The following ZNF516 variants were observed in gnomAD, a reference collection of about 807,000 sequenced individuals.
The protein encoded by ZNF516 is zinc finger protein 516.
A neutral mutation model predicts 79.7 loss-of-function variants in ZNF516; 19 were observed. The ratio of observed to expected loss-of-function variants is 0.24; its 90% CI spans 0.17 to 0.35. The LOEUF is 0.35. ZNF516 is among the 10% of genes least tolerant of loss of function. The pLI, the probability that ZNF516 is intolerant of heterozygous loss-of-function variation, is 1.00. For synonymous variants in ZNF516, 877 were observed against 739.5 expected, an observed-to-expected ratio of 1.19 and a Z score of -3.02; for missense variants, 1,678 against 1,679.5, an observed-to-expected ratio of 1.00 and a Z score of 0.02.
In ZNF516 at chr18:76,490,930, G is replaced by C. The variant is rs551020326; in HGVS notation, c.-272+4214C>G. ...CAGAGCCATCCCCGGCCTCTTTACC[G>C]CGGAGACACTGTGAGGTCACACACG... On this transcript the variant is annotated intron_variant, in intron 1 of 6. Transcript: ENST00000443185. 7.9e-5 allele frequency: 78 copies of C among 985,312 alleles called. No homozygotes were observed. The African/African-American group carries it at 1.3e-3, about 16-fold the overall frequency. 61.0% of individuals were successfully genotyped at this position (985,312 alleles called of 1,614,324 possible).
chr18:76,404,872 T>A (rs774197156), intron 3 of ZNF516, among the ~76,000 whole-genome samples: 4 of 152,210 alleles, frequency 2.6e-5, no homozygotes, highest in Non-Finnish European at 5.9e-5. Flanking sequence ...TCTGTCCATG[T>A]ATGGTGAGCA....
At chr18:76,368,109 A>G (rs953275681) in intron 6 of ZNF516, among the ~76,000 whole-genome samples, 2 of 152,244 alleles carry the variant, frequency 1.3e-5, no homozygotes, top group East Asian at 1.9e-4. Flanking sequence ...CTAGACATAC[A>G]TAACTACAGA....
At chr18:76,385,115 G>T (rs973218217) in intron 3 of ZNF516, among the ~76,000 whole-genome samples, 1 of 152,208 alleles carries the variant, frequency 6.6e-6, no homozygotes, top group Non-Finnish European at 1.5e-5. Context: ...CCAACCCCAC[G>T]AGTGTGCACA....
chr18:76,455,524 T>C (rs1025050614), intron 2 of ZNF516, among the ~76,000 whole-genome samples: 2 of 152,212 alleles, frequency 1.3e-5, no homozygotes, highest in African/African-American at 4.8e-5. Flanking sequence ...TAGGCCTCCC[T>C]GCTCCCATTC....
At chr18:76,400,235 T>C (rs77032584) in intron 3 of ZNF516, among the ~76,000 whole-genome samples, 208 of 152,290 alleles carry the variant, frequency 1.4e-3, no homozygotes, top group African/African-American at 4.4e-3. Context: ...GGTCTGAGCC[T>C]AGGCCAGAGA....
In ZNF516 at chr18:76,397,704, C is replaced by A. The variant is rs372716522; in HGVS notation, c.1811-17401G>T. ...CCTCAACCTCCCAGGTTCAAGCCCTCCTCCCACCTCAACCTCCTGAGTAGC... is the reference window on the plus strand; with the variant it reads ...CCTCAACCTCCCAGGTTCAAGCCCTACTCCCACCTCAACCTCCTGAGTAGC... On this transcript the variant is annotated intron_variant, in intron 3 of 6. Transcript: ENST00000443185. Among the ~76,000 whole-genome samples, 19 of 152,292 alleles carry A rather than the reference C, an allele frequency of 1.2e-4. No individual in the cohort carries two copies. The East Asian group carries it at 3.5e-3, about 28-fold the overall frequency.
At chr18:76,480,529 A>ATATATATATATT (rs374464151) in intron 1 of ZNF516, among the ~76,000 whole-genome samples, 20 of 142,088 alleles carry the variant, frequency 1.4e-4, no homozygotes, top group Non-Finnish European at 1.8e-4. Context: ...ACACACATAT[A>ATATATATATATT]TTTTTTTTTT....
intron 3 of ZNF516, among the ~76,000 whole-genome samples, chr18:76,428,529 T>G (rs1053855798): frequency 2.0e-5 from 3 of 151,852 alleles, no homozygotes; most frequent in Non-Finnish European, 4.4e-5. Context: ...AACAGGCAAA[T>G]AGAACAAGAT....
intron 3 of ZNF516, among the ~76,000 whole-genome samples, chr18:76,389,900 C>T (rs1052699304): frequency 2.0e-5 from 3 of 152,170 alleles, no homozygotes; most frequent in African/African-American, 2.4e-5. Context: ...TAGTCCTGCT[C>T]GGTCACATGA....
chr18:76,424,434 G>A (rs534201073), intron 3 of ZNF516, among the ~76,000 whole-genome samples: 3 of 143,474 alleles, frequency 2.1e-5, no homozygotes, highest in Non-Finnish European at 4.5e-5. Flanking sequence ...ACATACACAC[G>A]CAGGTGAAAA....
At chr18:76,390,857 A>G (rs7234024) in intron 3 of ZNF516, among the ~76,000 whole-genome samples, 50,971 of 152,058 alleles carry the variant, frequency 0.34, 8,925 homozygotes, top group East Asian at 0.5. Context: ...CCCCTCGGAA[A>G]AGGTCTAGGG....
chr18:76,426,789 TGAA>T (rs2075599080), intron 3 of ZNF516, among the ~76,000 whole-genome samples: 2 of 152,086 alleles, frequency 1.3e-5, no homozygotes, highest in South Asian at 2.1e-4. Flanking sequence ...GCACAGGAAA[TGAA>T]GAAAAAGCTA....
chr18:76,433,864 T>A (rs1004176022), intron 3 of ZNF516, among the ~76,000 whole-genome samples: 2 of 152,010 alleles, frequency 1.3e-5, no homozygotes, highest in African/African-American at 4.8e-5. Context: ...CCCAAAAAGC[T>A]CAGCAGCAAG....
chr18:76,390,008 A>G (rs928412615), intron 3 of ZNF516, among the ~76,000 whole-genome samples: 13 of 152,214 alleles, frequency 8.5e-5, no homozygotes, highest in Non-Finnish European at 7.3e-5. Flanking sequence ...ATAATTCCAG[A>G]GCTTCTCACT....
At chr18:76,433,956 C>G (rs2075696747) in intron 3 of ZNF516, among the ~76,000 whole-genome samples, 1 of 152,172 alleles carries the variant, frequency 6.6e-6, no homozygotes, top group Non-Finnish European at 1.5e-5. Context: ...GGCCGGGAAA[C>G]CCCACCGCGA....
At chr18:76,456,706 G>T (rs141221947) in intron 2 of ZNF516, among the ~76,000 whole-genome samples, 1 of 121,010 alleles carries the variant, frequency 8.3e-6, no homozygotes, top group African/African-American at 3.2e-5. Flanking sequence ...TCTGGGTAAC[G>T]TAACTCAGAA....
chr18:76,372,483 T>C (rs1440864881), intron 4 of ZNF516, among the ~76,000 whole-genome samples: 1 of 152,198 alleles, frequency 6.6e-6, no homozygotes, highest in African/African-American at 2.4e-5. Context: ...GTTGCAGTAA[T>C]TTTTTAAAAC....
At chr18:76,495,095 C>T (rs1370285514) in intron 1 of ZNF516, 49 bp downstream of exon 1, 1 of 150,004 alleles carries the variant, frequency 6.7e-6, no homozygotes, top group Non-Finnish European at 1.5e-5. Flanking sequence ...CGCCCACCGC[C>T]CGCCCGCGGC....
intron 1 of ZNF516, among the ~76,000 whole-genome samples, chr18:76,479,112 G>C (rs1371314746): frequency 6.6e-6 from 1 of 151,934 alleles, no homozygotes; most frequent in Non-Finnish European, 1.5e-5. Flanking sequence ...TCTCAGAACA[G>C]ACCTGGAACA....
Sources: allele counts gnomAD v4.1 joint callset (sites outside exome capture counted in the v4.1 genomes callset), GRCh38; gene constraint gnomAD v4.1.1; transcripts MANE v1.5; gene names NCBI Gene and HGNC (gene_info 2026-07-23, HGNC 2026-07-21).